Variants in DLG1 observed in about 807,000 individuals in gnomAD.
DLG1 encodes the protein discs large MAGUK scaffold protein 1, also known as disks large homolog 1.
Under a neutral mutation model 123.4 loss-of-function variants are expected in DLG1, and 42 were observed. The ratio of observed to expected loss-of-function variants is 0.34; its 90% CI spans 0.27 to 0.44. DLG1 has a LOEUF of 0.44. Among genes scored for constraint, DLG1 ranks in the 20% least tolerant of loss-of-function variants. DLG1 has a pLI of 1.00. For synonymous variants in DLG1, 317 were observed against 356.2 expected (o/e 0.89, Z 1.24); for missense variants, 942 against 1,082.6 (o/e 0.87, Z 1.82).
In DLG1 at chr3:197,290,162, G is replaced by GA. The variant is rs199693445; in HGVS notation, c.151+6183dup. ...GGATGGTAATAAATGATAAGTCATT[G>GA]AAAAAAAAACAGGTATCTGCAAGTT... On this transcript the variant is annotated intron_variant, in intron 3 of 24. Coordinates refer to ENST00000667157, the MANE Select transcript of DLG1 (RefSeq NM_001366207.1). Among the ~76,000 whole-genome samples, 490 of 148,492 alleles carry GA rather than the reference G, an allele frequency of 3.3e-3. 1 individual carries two copies. The highest frequency in any genetic ancestry group is 6.8e-3 in the Middle Eastern group (2 of 292).
At chr3:197,133,874 A>G (rs1472972287) in intron 10 of DLG1, among the ~76,000 whole-genome samples, 1 of 152,198 alleles carries the variant, frequency 6.6e-6, no homozygotes, top group East Asian at 1.9e-4. Context: ...CAGCCAGATA[A>G]GTCAATTAAG....
chr3:197,279,224 T>C (rs1560130806), intron 4 of DLG1, among the ~76,000 whole-genome samples: 1 of 152,148 alleles, frequency 6.6e-6, no homozygotes, highest in East Asian at 1.9e-4. Context: ...CTTCAAAAAG[T>C]AGCAATTAAA....
At chr3:197,076,364 CAT>C (rs374865577) in intron 18 of DLG1, among the ~76,000 whole-genome samples, 90 of 152,244 alleles carry the variant, frequency 5.9e-4, no homozygotes, top group South Asian at 5.4e-3. Flanking sequence ...AAGTTATAAA[CAT>C]ATAACTGAAA....
intron 4 of DLG1, among the ~76,000 whole-genome samples, chr3:197,228,681 C>T (rs549074661): frequency 6.6e-6 from 1 of 152,170 alleles, no homozygotes; most frequent in Admixed American, 6.5e-5. Context: ...CTGAGTGGAT[C>T]TGATAGATTT....
At chr3:197,220,332 G>A (rs1186412869) in intron 4 of DLG1, among the ~76,000 whole-genome samples, 7 of 151,998 alleles carry the variant, frequency 4.6e-5, no homozygotes, top group African/African-American at 4.8e-5. Flanking sequence ...CTTTTAAAAC[G>A]TACGACTTTC....
chr3:197,078,971 GGACA>G (rs769091052), intron 17 of DLG1, among the ~76,000 whole-genome samples: 19 of 152,038 alleles, frequency 1.2e-4, no homozygotes, highest in Non-Finnish European at 8.8e-5. Flanking sequence ...TCATAATATA[GGACA>G]GAGAGAAATG....
At chr3:197,127,754 C>T (rs1780504274) in intron 11 of DLG1, among the ~76,000 whole-genome samples, 1 of 151,680 alleles carries the variant, frequency 6.6e-6, no homozygotes, top group Non-Finnish European at 1.5e-5. Context: ...ATTACAGTTC[C>T]ATACCACAGC....
chr3:197,051,708 T>TC, intron 23 of DLG1, 40 bp from the exon 24 acceptor site: 2 of 1,475,312 alleles, frequency 1.4e-6, no homozygotes, highest in Non-Finnish European at 1.9e-6. Flanking sequence ...TACCAAATTA[T>TC]AATACTTTTA....
rs191353364 is a variant in DLG1, at chr3:197,246,019, T to C, written c.318+36660A>G. Among the ~76,000 whole-genome samples the C allele has an allele frequency of 4.0e-3, 607 of 152,004 alleles. 2 individuals carry two copies. The highest frequency in any genetic ancestry group is 5.3e-3 in the Non-Finnish European group (362 of 67,988). On this transcript the variant is annotated intron_variant, in intron 4 of 24. Transcript: ENST00000667157. ...CGTTTAGTCCAAATTTTTCTAAAGG[T>C]ATGGGCTACCCTGAAGGCATACTTG...
chr3:197,213,960 A>C (rs1732648937), intron 4 of DLG1, among the ~76,000 whole-genome samples: 1 of 152,206 alleles, frequency 6.6e-6, no homozygotes, highest in African/African-American at 2.4e-5. Context: ...TCTCACAGAG[A>C]AGCAGTAGAA....
chr3:197,182,441 A>G (rs1561300776), intron 5 of DLG1, among the ~76,000 whole-genome samples: 2 of 152,176 alleles, frequency 1.3e-5, no homozygotes, highest in Non-Finnish European at 2.9e-5. Context: ...TTTCTTACTT[A>G]AGAAAGCTGA....
chr3:197,044,620 T>C lies in DLG1; in HGVS notation c.*3A>G. 6.3e-7 allele frequency: 1 copy of C among 1,587,470 alleles called. No homozygotes were observed. The highest frequency in any genetic ancestry group is 1.1e-5 in the South Asian group (1 of 88,846). On this transcript the variant is annotated 3_prime_UTR_variant, in exon 25 of 25. Coordinates refer to ENST00000667157, the MANE Select transcript of DLG1 (RefSeq NM_001366207.1). ...GAAAAGAGAAACAGAGAAACATGAG[T>C]TTTCATAGCTTTTCTTTTGCCGGAA...
At chr3:197,134,868 A>C (rs1270333056) in intron 10 of DLG1, among the ~76,000 whole-genome samples, 1 of 152,250 alleles carries the variant, frequency 6.6e-6, no homozygotes, top group Admixed American at 6.5e-5. Context: ...GGGTAACACA[A>C]TCCAAAAGCT....
intron 5 of DLG1, among the ~76,000 whole-genome samples, chr3:197,189,497 T>C (rs1208960942): frequency 1.3e-5 from 2 of 152,180 alleles, no homozygotes; most frequent in African/African-American, 2.4e-5. Context: ...AATCCTTATC[T>C]ACTCAGTTTG....
intron 20 of DLG1, 35 bp from the exon 21 acceptor site, chr3:197,065,844 C>T (rs750634736): frequency 7.9e-7 from 1 of 1,263,142 alleles, no homozygotes. Context: ...AAGGAATAAA[C>T]ATTCAACAAA....
intron 20 of DLG1, 93 bp from the exon 21 acceptor site, chr3:197,065,902 TA>T: frequency 1.3e-6 from 1 of 776,190 alleles, no homozygotes; most frequent in Non-Finnish European, 2.1e-6. Flanking sequence ...CCTTAACTGT[TA>T]TGACTAATTT....
intron 16 of DLG1, among the ~76,000 whole-genome samples, chr3:197,082,354 A>T (rs1751671931): frequency 6.6e-6 from 1 of 152,108 alleles, no homozygotes; most frequent in Non-Finnish European, 1.5e-5. Context: ...TGGGTGAAAG[A>T]GCAAGACTCC....
intron 14 of DLG1, among the ~76,000 whole-genome samples, chr3:197,102,854 T>A (rs1764263304): frequency 6.6e-6 from 1 of 152,230 alleles, no homozygotes; most frequent in South Asian, 2.1e-4. Context: ...TGAAACTCCA[T>A]CTTAAAACAA....
intron 2 of DLG1, chr3:197,296,975 C>A: frequency 1.7e-6 from 1 of 590,614 alleles, no homozygotes; most frequent in Admixed American, 3.1e-5. Context: ...AACTGCCTCT[C>A]TTAATCACTA....
Sources: allele counts gnomAD v4.1 joint callset (sites outside exome capture counted in the v4.1 genomes callset), GRCh38; gene constraint gnomAD v4.1.1; transcripts MANE v1.5; gene names NCBI Gene and HGNC (gene_info 2026-07-23, HGNC 2026-07-21).